Variants in SORCS2 observed in about 807,000 individuals in gnomAD.
SORCS2 encodes the protein VPS10 domain-containing receptor SorCS2.
SORCS2 carries 100 observed loss-of-function variants against 141.6 expected under a neutral mutation model. The observed-to-expected ratio is 0.71, with a 90% CI of 0.60 to 0.83. SORCS2 has a LOEUF of 0.83. Among genes scored for constraint, SORCS2 ranks in the 40% least tolerant of loss-of-function variants. SORCS2 has a pLI of 0.00. For synonymous variants in SORCS2, 789 were observed against 676.9 expected (o/e 1.17, Z -2.57); for missense variants, 1,646 against 1,560.2 (o/e 1.05, Z -0.93).
At chr4:7,336,414 A>C (rs1719992711) in intron 1 of SORCS2, among the ~76,000 whole-genome samples, 2 of 151,798 alleles carry the variant, frequency 1.3e-5, no homozygotes, top group Non-Finnish European at 2.9e-5. Context: ...GGCTGAGATC[A>C]ATGCGAACAG....
At chr4:7,589,472 G>A (rs748259005) in intron 3 of SORCS2, among the ~76,000 whole-genome samples, 4 of 152,076 alleles carry the variant, frequency 2.6e-5, no homozygotes, top group Admixed American at 2.0e-4. Context: ...GCACGATCTC[G>A]GCTCATTGCA....
In SORCS2 at chr4:7,219,684, C is replaced by T. The variant is rs184155241; in HGVS notation, c.480+26558C>T. 2.6e-3 allele frequency among the ~76,000 whole-genome samples: 401 copies of T among 152,344 alleles called. 2 individuals carry two copies. Among genetic ancestry groups the T allele is most frequent in the South Asian group, 0.013 (65 of 4,832 alleles). ...AATCCGAGAATAGCATGGGGGAAAC[C>T]ACCCCATGATCCAACCACTTCCTGC... On this transcript the variant is annotated intron_variant, in intron 1 of 26. Coordinates refer to ENST00000507866, the MANE Select transcript of SORCS2 (RefSeq NM_020777.3).
intron 3 of SORCS2, among the ~76,000 whole-genome samples, chr4:7,621,946 C>G (rs1025650308): frequency 1.3e-5 from 2 of 152,192 alleles, no homozygotes; most frequent in Admixed American, 1.3e-4. Flanking sequence ...TTGGTGAGCT[C>G]TATCTGCTTG....
rs192707446 is a variant in SORCS2, at chr4:7,540,353, C to T, written c.648+8724C>T. 3.2e-3 allele frequency among the ~76,000 whole-genome samples: 482 copies of T among 152,152 alleles called. 5 individuals are homozygous for T. The highest frequency in any genetic ancestry group is 0.01 in the African/African-American group (415 of 41,490). ...AGGCAGCTGAGATTAGCCCGGGTCC[C>T]GTGGACATAGGACCCCAGCCTTCTT... On this transcript the variant is annotated intron_variant, in intron 3 of 26. Coordinates refer to ENST00000507866, the MANE Select transcript of SORCS2 (RefSeq NM_020777.3).
At chr4:7,323,135 C>T (rs1000396178) in intron 1 of SORCS2, among the ~76,000 whole-genome samples, 2 of 152,202 alleles carry the variant, frequency 1.3e-5, no homozygotes, top group Non-Finnish European at 2.9e-5. Context: ...GCCAGTTTTG[C>T]AAATGGCCTT....
In SORCS2 at chr4:7,742,389, C is replaced by G. The variant is rs986430224; in HGVS notation, c.*2125C>G. On this transcript the variant is annotated 3_prime_UTR_variant, in exon 27 of 27. Coordinates refer to ENST00000507866, the MANE Select transcript of SORCS2 (RefSeq NM_020777.3). ...ATGGAACCCTGGGAACTGCCCTCCC[C>G]CTTAGCTCACAGTGCCTGCGGTAGC... The G allele has an allele frequency of 6.6e-6, 1 of 152,350 alleles. No homozygotes were observed. Among genetic ancestry groups the G allele is most frequent in the Admixed American group, 6.5e-5 (1 of 15,284 alleles). The allele number at this position is 152,350 out of a possible 1,614,324, so 9.4% of individuals were successfully genotyped here. A position where few individuals can be genotyped will look rare whatever the true frequency, so the allele number is the denominator to read the frequency against.
intron 2 of SORCS2, chr4:7,434,256 G>A (rs747754840): frequency 3.1e-6 from 5 of 1,613,320 alleles, no homozygotes; most frequent in Admixed American, 3.3e-5. Flanking sequence ...GCTCCTGGAT[G>A]TTCAAGTCGG....
intron 23 of SORCS2, 42 bp from the exon 24 acceptor site, chr4:7,733,280 C>T (rs372118592): frequency 6.9e-6 from 10 of 1,445,448 alleles, no homozygotes; most frequent in Non-Finnish European, 7.4e-6. Flanking sequence ...GGCAGAGGAG[C>T]CTCCATGGAG....
chr4:7,271,430 G>A (rs996408711), intron 1 of SORCS2, among the ~76,000 whole-genome samples: 3 of 152,112 alleles, frequency 2.0e-5, no homozygotes, highest in South Asian at 2.1e-4. Flanking sequence ...GGCACCTTTC[G>A]TGTCTGCTGT....
intron 1 of SORCS2, among the ~76,000 whole-genome samples, chr4:7,352,239 T>G (rs1720984912): frequency 6.6e-6 from 1 of 152,246 alleles, no homozygotes; most frequent in South Asian, 2.1e-4. Context: ...GCTTGGGCTG[T>G]GTCTTCTTTA....
intron 2 of SORCS2, among the ~76,000 whole-genome samples, chr4:7,412,594 C>G (rs1725389324): frequency 6.6e-6 from 1 of 152,116 alleles, no homozygotes; most frequent in Non-Finnish European, 1.5e-5. Context: ...GATTCTGCAC[C>G]TGTGATCAGC....
chr4:7,211,191 T>G (rs1207039504), intron 1 of SORCS2, among the ~76,000 whole-genome samples: 3 of 142,748 alleles, frequency 2.1e-5, no homozygotes, highest in African/African-American at 5.3e-5. Context: ...TGGAAAAGCT[T>G]CTCAGAGGTG....
rs397880294 is a variant in SORCS2, at chr4:7,314,800, GTTTTTTTTTTTTTTT to G, written c.481-81473_481-81459del. On this transcript the variant is annotated intron_variant, in intron 1 of 26. Coordinates refer to ENST00000507866, the MANE Select transcript of SORCS2 (RefSeq NM_020777.3). ...CTCCCAGGAGCCTGCCCACTGTTCTGTTTTTTTTTTTTTTTTTTTTTTTTTTTTTATTGTTGTTGT... is the reference window on the plus strand; with the variant it reads ...CTCCCAGGAGCCTGCCCACTGTTCTGTTTTTTTTTTTTTTATTGTTGTTGT... 4.6e-4 allele frequency among the ~76,000 whole-genome samples: 51 copies of G among 109,826 alleles called. 1 individual carries two copies. Among genetic ancestry groups the G allele is most frequent in the Admixed American group, 1.2e-3 (13 of 10,656 alleles). 72.1% of individuals were successfully genotyped at this position (109,826 alleles called of 152,430 possible). A position where few individuals can be genotyped will look rare whatever the true frequency, so the allele number is the denominator to read the frequency against.
intron 3 of SORCS2, among the ~76,000 whole-genome samples, chr4:7,536,297 C>G (rs781255939): frequency 6.6e-6 from 1 of 152,182 alleles, no homozygotes; most frequent in Non-Finnish European, 1.5e-5. Flanking sequence ...AATGCATATA[C>G]GGTACCTAGA....
At chr4:7,377,682 C>A (rs1044577739) in intron 1 of SORCS2, among the ~76,000 whole-genome samples, 10 of 152,210 alleles carry the variant, frequency 6.6e-5, no homozygotes, top group African/African-American at 2.4e-4. Flanking sequence ...GAATGCCCTC[C>A]GCCACAGCTG....
At chr4:7,684,895 G>T (rs1269817038) in intron 10 of SORCS2, among the ~76,000 whole-genome samples, 3 of 152,122 alleles carry the variant, frequency 2.0e-5, no homozygotes, top group Non-Finnish European at 2.9e-5. Context: ...CTCCCAGAGA[G>T]CCCTGACCCT....
chr4:7,337,193 A>G (rs1258304383), intron 1 of SORCS2, among the ~76,000 whole-genome samples: 3 of 152,146 alleles, frequency 2.0e-5, no homozygotes, highest in African/African-American at 7.2e-5. Flanking sequence ...GAATCCATTC[A>G]CTGATCCCTG....
chr4:7,485,384 C>G (rs377240745), intron 2 of SORCS2, among the ~76,000 whole-genome samples: 1 of 152,224 alleles, frequency 6.6e-6, no homozygotes, highest in Non-Finnish European at 1.5e-5. Context: ...ACAACTATCC[C>G]GTCACACCAG....
chr4:7,377,355 A>AC (rs367689188), intron 1 of SORCS2, among the ~76,000 whole-genome samples: 4 of 74,384 alleles, frequency 5.4e-5, no homozygotes, highest in Non-Finnish European at 1.1e-4. Context: ...TGGGGCTGTG[A>AC]CGGGGGGGAC....
Sources: gnomAD v4.1 joint callset for allele counts (sites outside exome capture counted in the v4.1 genomes callset) on GRCh38, gnomAD v4.1.1 for gene constraint, MANE v1.5 for transcripts, NCBI Gene and HGNC (gene_info 2026-07-23, HGNC 2026-07-21) for gene names.